The following VWC2 variants were observed in gnomAD, a reference collection of about 807,000 sequenced individuals.
VWC2 encodes von Willebrand factor C domain containing 2.
Under a neutral mutation model 29.8 loss-of-function variants are expected in VWC2, and 14 were observed. The observed-to-expected ratio is 0.47, with a 90% CI of 0.31 to 0.74. VWC2 has a LOEUF of 0.74. VWC2 is among the 30% of genes least tolerant of loss of function. The pLI is 0.05. For missense variants in VWC2, 457 were observed against 459.8 expected (o/e 0.99, Z 0.05); for synonymous variants, 213 against 199.0 (o/e 1.07, Z -0.59).
intron 3 of VWC2, among the ~76,000 whole-genome samples, chr7:49,816,410 T>C (rs1013975465): frequency 2.6e-5 from 4 of 152,076 alleles, no homozygotes; most frequent in African/African-American, 9.7e-5. Flanking sequence ...ACTAAGGAGA[T>C]ACATCAAAGG....
At chr7:49,789,216 T>TGA (rs1189406165) in intron 2 of VWC2, among the ~76,000 whole-genome samples, 1 of 149,010 alleles carries the variant, frequency 6.7e-6, no homozygotes, top group Non-Finnish European at 1.5e-5. Context: ...TGTGTGTGTG[T>TGA]GAGTGTGGGA....
chr7:49,823,045 A>G (rs1789300789), intron 3 of VWC2, among the ~76,000 whole-genome samples: 1 of 152,162 alleles, frequency 6.6e-6, no homozygotes, highest in Non-Finnish European at 1.5e-5. Context: ...TGTGGGAGTG[A>G]GTGGATGTGT....
chr7:49,792,714 T>A (rs1834476), intron 2 of VWC2, among the ~76,000 whole-genome samples: 21,105 of 152,266 alleles, frequency 0.14, 1,515 homozygotes, highest in East Asian at 0.17. Context: ...CTGCGCTGTG[T>A]CCAGCTTTGC....
intron 3 of VWC2, among the ~76,000 whole-genome samples, chr7:49,849,274 G>C (rs1275726276): frequency 2.6e-5 from 4 of 152,212 alleles, no homozygotes; most frequent in African/African-American, 9.6e-5. Context: ...CCCGAGGAGA[G>C]AGAGAGAAAG....
At chr7:49,877,479 A>AT (rs1214249933) in intron 3 of VWC2, among the ~76,000 whole-genome samples, 1 of 12,744 alleles carries the variant, frequency 7.8e-5, no homozygotes, top group African/African-American at 3.8e-4. Flanking sequence ...AAAAAAAAAA[A>AT]AAATATATAT....
intron 3 of VWC2, among the ~76,000 whole-genome samples, chr7:49,881,492 T>C (rs928382110): frequency 8.5e-5 from 13 of 152,146 alleles, no homozygotes; most frequent in African/African-American, 3.1e-4. Flanking sequence ...GCACAAAACG[T>C]CCTGTCTCTT....
chr7:49,861,624 T>C (rs1442643158), intron 3 of VWC2, among the ~76,000 whole-genome samples: 1 of 152,262 alleles, frequency 6.6e-6, no homozygotes, highest in East Asian at 1.9e-4. Context: ...TTATGATTTT[T>C]AGATATTGCC....
chr7:49,815,020 G>C (rs147307994), intron 3 of VWC2, among the ~76,000 whole-genome samples: 1 of 152,128 alleles, frequency 6.6e-6, no homozygotes, highest in African/African-American at 2.4e-5. Flanking sequence ...ACCATGTTTT[G>C]TTGGACCCTT....
intron 2 of VWC2, among the ~76,000 whole-genome samples, chr7:49,793,674 A>G (rs1788516723): frequency 6.6e-6 from 1 of 152,182 alleles, no homozygotes; most frequent in Admixed American, 6.5e-5. Flanking sequence ...ATTCCATCTG[A>G]TTAACACCAC....
At chr7:49,786,619 T>C (rs1788304165) in intron 2 of VWC2, among the ~76,000 whole-genome samples, 1 of 152,234 alleles carries the variant, frequency 6.6e-6, no homozygotes, top group Non-Finnish European at 1.5e-5. Context: ...AGTGCTCCCT[T>C]TTCTCTGCAG....
chr7:49,820,145 C>G (rs1248112305), intron 3 of VWC2, among the ~76,000 whole-genome samples: 1 of 152,150 alleles, frequency 6.6e-6, no homozygotes, highest in Non-Finnish European at 1.5e-5. Context: ...ATGATGATTT[C>G]TTACCTCTTG....
intron 3 of VWC2, among the ~76,000 whole-genome samples, chr7:49,841,293 A>C (rs1789787456): frequency 6.7e-6 from 1 of 148,626 alleles, no homozygotes. Flanking sequence ...AAACAGCCTA[A>C]GATGTTTACA....
At chr7:49,878,274 G>T (rs1791527754) in intron 3 of VWC2, among the ~76,000 whole-genome samples, 1 of 152,120 alleles carries the variant, frequency 6.6e-6, no homozygotes, top group Admixed American at 6.6e-5. Flanking sequence ...GTTTTCTGCA[G>T]ACAGCAGTCA....
intron 3 of VWC2, among the ~76,000 whole-genome samples, chr7:49,813,505 G>A (rs1789060794): frequency 1.3e-5 from 2 of 152,112 alleles, no homozygotes; most frequent in Non-Finnish European, 2.9e-5. Context: ...ACTGCTTTCG[G>A]GCACTCACTT....
At chr7:49,845,082 AGAACACAT>A (rs1789895012) in intron 3 of VWC2, among the ~76,000 whole-genome samples, 1 of 152,156 alleles carries the variant, frequency 6.6e-6, no homozygotes, top group African/African-American at 2.4e-5. Context: ...CTGAACGATG[AGAACACAT>A]GAACACATGG....
intron 3 of VWC2, among the ~76,000 whole-genome samples, chr7:49,874,504 T>A (rs186219500): frequency 6.6e-6 from 1 of 152,020 alleles, no homozygotes; most frequent in Non-Finnish European, 1.5e-5. Flanking sequence ...AAACATCACA[T>A]TTCTCACAAT....
At chr7:49,892,247 CGT>C (rs1215640540) in intron 3 of VWC2, among the ~76,000 whole-genome samples, 19 of 151,586 alleles carry the variant, frequency 1.3e-4, no homozygotes, top group African/African-American at 4.6e-4. Flanking sequence ...GGGGTTTCAC[CGT>C]GTTAGCCAGG....
At chr7:49,852,335 G>A (rs1048999402) in intron 3 of VWC2, among the ~76,000 whole-genome samples, 22 of 152,202 alleles carry the variant, frequency 1.4e-4, no homozygotes, top group African/African-American at 5.1e-4. Context: ...GACATTGCAG[G>A]CTCTGGTTCA....
intron 3 of VWC2, among the ~76,000 whole-genome samples, chr7:49,828,845 T>G (rs1461333364): frequency 2.6e-5 from 4 of 152,114 alleles, no homozygotes; most frequent in Non-Finnish European, 4.4e-5. Flanking sequence ...GCTCTTACAC[T>G]CTGGGCCACT....
Sources: allele counts gnomAD v4.1 joint callset (sites outside exome capture counted in the v4.1 genomes callset), GRCh38; gene constraint gnomAD v4.1.1; transcripts MANE v1.5; gene names NCBI Gene and HGNC (gene_info 2026-07-23, HGNC 2026-07-21).